The following CEACAM16 variants were observed in gnomAD, a reference collection of about 807,000 sequenced individuals.
The protein encoded by CEACAM16 is cell adhesion molecule CEACAM16.
Under a neutral mutation model 39.4 loss-of-function variants are expected in CEACAM16, and 30 were observed. The ratio of observed to expected loss-of-function variants is 0.76; its 90% CI spans 0.57 to 1.03. CEACAM16 has a LOEUF of 1.03. Among genes scored for constraint, CEACAM16 ranks in the 50% least tolerant of loss-of-function variants. The pLI is 0.00. For synonymous variants in CEACAM16, 262 were observed against 264.9 expected (o/e 0.99, Z 0.11); for missense variants, 521 against 585.3 (o/e 0.89, Z 1.13).
In CEACAM16 at chr19:44,703,305, G is replaced by A. The variant is rs1421249863; in HGVS notation, c.38-44G>A. On this transcript the variant is annotated intron_variant, in intron 2 of 6. Transcript: ENST00000587331. The stretch of plus-strand genomic sequence containing the variant: ...TCTTCTTCTGTCAAATGGGGCGATT[G>A]ATCAAACCTGCCTCATCCAACCCCT... 4 of 1,549,992 alleles carry A rather than the reference G, an allele frequency of 2.6e-6. No individual in the cohort carries two copies. In the East Asian group the frequency reaches 6.8e-5, roughly 26 times the overall value.
chr19:44,703,459 G>A lies in CEACAM16; in HGVS notation c.148G>A (p.Ala50Thr), dbSNP rs531707985. Reference protein sequence around the residue: ...VVHGLSGELLAYSWYAGPTLS... With the variant: ...VVHGLSGELLTYSWYAGPTLS... Reference sequence around the variant, plus strand: ...CCATGGGCTTTCGGGGGAACTGCTCGCCTACAGCTGGTATGCGGGGCCCAC... The same window carrying A: ...CCATGGGCTTTCGGGGGAACTGCTCACCTACAGCTGGTATGCGGGGCCCAC... The change falls in exon 3 of 7, where the codon GCC becomes ACC. Residue 50 changes from alanine to threonine, a missense_variant. By Grantham distance (58) the Ala-to-Thr change is moderately conservative (BLOSUM62 0). Coordinates refer to ENST00000587331, the MANE Select transcript of CEACAM16 (RefSeq NM_001039213.4). 23 of 1,613,812 alleles carry A rather than the reference G, an allele frequency of 1.4e-5. No homozygotes were observed. The highest frequency in any genetic ancestry group is 8.0e-5 in the African/African-American group (6 of 75,030).
In CEACAM16 at chr19:44,703,625, C is replaced by T. The variant is rs1305649326; in HGVS notation, c.314C>T (p.Thr105Ile). The stretch of plus-strand genomic sequence containing the variant: ...GGCATCCTGCCCCGGCACTCAGGCA[C>T]CTACATCCTGCAGACCTTCAACAGG... ...IQGILPRHSG[T>I]YILQTFNRQL... Residue 105 changes from threonine (T) to isoleucine (I), a missense_variant, in exon 3 of 7, where the codon ACC (threonine) becomes ATC (isoleucine). Thr to Ile is a moderately conservative substitution (Grantham distance 89). Transcript: ENST00000587331. 3 of 1,607,076 alleles carry T rather than the reference C, an allele frequency of 1.9e-6. No homozygotes were observed. The highest frequency in any genetic ancestry group is 3.4e-5 in the Admixed American group (2 of 59,422).
At chr19:44,706,262 A>T in intron 5 of CEACAM16, among the ~76,000 whole-genome samples, 1 of 131,580 alleles carries the variant, frequency 7.6e-6, no homozygotes, top group Non-Finnish European at 1.6e-5. Flanking sequence ...GACCCAGATG[A>T]TGGGTATACA....
rs776528660 is a variant in CEACAM16, at chr19:44,705,641, G to A, written c.713G>A (p.Cys238Tyr). ...ILQDSTTRTG[C>Y]TIKVDFNTSL... Reference sequence around the variant, plus strand: ...CAGGATTCCACCACCCGCACAGGCTGCACCATCAAAGTTGACTTCAACACG... The same window carrying A: ...CAGGATTCCACCACCCGCACAGGCTACACCATCAAAGTTGACTTCAACACG... Residue 238 changes from cysteine to tyrosine, a missense_variant, in exon 5 of 7, where the codon TGC becomes TAC. Coordinates refer to ENST00000587331, the MANE Select transcript of CEACAM16 (RefSeq NM_001039213.4). 2.5e-6 allele frequency: 4 copies of A among 1,613,172 alleles called. No individual in the cohort carries two copies. Among genetic ancestry groups the A allele is most frequent in the East Asian group, 2.2e-5 (1 of 44,862 alleles).
At chr19:44,705,260 T>C (rs1021643932) in intron 4 of CEACAM16, among the ~76,000 whole-genome samples, 1 of 151,786 alleles carries the variant, frequency 6.6e-6, no homozygotes, top group Non-Finnish European at 1.5e-5. Flanking sequence ...CTTGAAGCCC[T>C]AGAATTCTAC....
intron 6 of CEACAM16, among the ~76,000 whole-genome samples, 188 bp from the exon 7 acceptor site, chr19:44,710,306 CCT>C (rs1974517084): frequency 6.6e-6 from 1 of 152,222 alleles, no homozygotes; most frequent in African/African-American, 2.4e-5. Flanking sequence ...TCACAGTCAA[CCT>C]CCCTCCCTCG....
At chr19:44,703,730 G>T in intron 3 of CEACAM16, 37 bp downstream of exon 3, 1 of 1,404,890 alleles carries the variant, frequency 7.1e-7, no homozygotes. Flanking sequence ...TGCCCCAGCT[G>T]GGCCTTCCCA....
intron 1 of CEACAM16, among the ~76,000 whole-genome samples, chr19:44,699,662 C>T (rs1974313459): frequency 6.6e-6 from 1 of 152,214 alleles, no homozygotes; most frequent in Admixed American, 6.5e-5. Context: ...CAGGCATGAG[C>T]CACTGCGTCC....
rs752427705 is a variant in CEACAM16, at chr19:44,710,550, C to G, written c.*44C>G. On this transcript the variant is annotated 3_prime_UTR_variant, in exon 7 of 7. Coordinates refer to ENST00000587331, the MANE Select transcript of CEACAM16 (RefSeq NM_001039213.4). The stretch of plus-strand genomic sequence containing the variant: ...GTCCAGAGAGAAGAGCTCTTCGCAC[C>G]ATCCTCTGGTCCTCGCCCTCTGAGT... 6.2e-7 allele frequency: 1 copy of G among 1,613,052 alleles called. No homozygotes were observed. The highest frequency in any genetic ancestry group is 1.7e-5 in the Admixed American group (1 of 60,012).
Position 44,708,063 on chromosome 19 carries a change from G to A in CEACAM16, c.1143G>A (p.Val381=). 1 of 1,612,734 alleles carries A rather than the reference G, an allele frequency of 6.2e-7. No individual in the cohort carries two copies. Among genetic ancestry groups the A allele is most frequent in the Non-Finnish European group, 8.5e-7 (1 of 1,179,596 alleles). ...IAGPAHTGRE[V]GFPNCSLLVQ... ...GCCCCGCGCACACAGGCCGGGAGGT[G>A]GGCTTCCCCAACTGCTCGCTGTTGG... The change falls in exon 6 of 7, where the codon GTG becomes GTA. Residue 381 remains valine (V), a synonymous_variant. Coordinates refer to ENST00000587331, the MANE Select transcript of CEACAM16 (RefSeq NM_001039213.4).
chr19:44,710,368 C>T (rs1188174904), intron 6 of CEACAM16, 128 bp from the exon 7 acceptor site: 3 of 944,674 alleles, frequency 3.2e-6, no homozygotes, highest in Admixed American at 4.6e-5. Flanking sequence ...ACAGGCTGAG[C>T]GTGGGGTGGA....
intron 1 of CEACAM16, among the ~76,000 whole-genome samples, chr19:44,700,903 G>A (rs1457444072): frequency 6.6e-6 from 1 of 152,196 alleles, no homozygotes; most frequent in Non-Finnish European, 1.5e-5. Flanking sequence ...GGACAAGTGG[G>A]AGTCCCCACC....
intron 4 of CEACAM16, 119 bp downstream of exon 4, chr19:44,704,415 G>C: frequency 7.9e-7 from 1 of 1,264,852 alleles, no homozygotes. Context: ...CTGGGATTGG[G>C]GACCAGGGAC....
intron 5 of CEACAM16, among the ~76,000 whole-genome samples, chr19:44,706,563 G>T (rs529876293): frequency 6.6e-6 from 1 of 152,136 alleles, no homozygotes; most frequent in Non-Finnish European, 1.5e-5. Context: ...GGGAATGGTC[G>T]TTCCCTCCCT....
chr19:44,708,900 T>C (rs569138440), intron 6 of CEACAM16, among the ~76,000 whole-genome samples: 7 of 150,288 alleles, frequency 4.7e-5, no homozygotes, highest in African/African-American at 9.8e-5. Context: ...GTCTCCCCCA[T>C]TGGATTGGGA....
chr19:44,704,271 C>A lies in CEACAM16; in HGVS notation c.636C>A (p.Ser212Arg). ...GGAACCCGGTCAGTGTCAGCCGCAGCGAGCCCATCAACCTGACCGTGTACT... is the reference window on the plus strand; with the variant it reads ...GGAACCCGGTCAGTGTCAGCCGCAGAGAGCCCATCAACCTGACCGTGTACT... Reference protein sequence around the residue: ...EVWNPVSVSRSEPINLTVYFG... With the variant: ...EVWNPVSVSRREPINLTVYFG... The change falls in exon 4 of 7, where the codon AGC becomes AGA. Residue 212 changes from serine to arginine, a missense_variant. Transcript: ENST00000587331. The A allele has an allele frequency of 2.6e-6, 4 of 1,526,330 alleles. No individual in the cohort carries two copies. The highest frequency in any genetic ancestry group is 3.5e-6 in the Non-Finnish European group (4 of 1,133,786). The allele number at this position is 1,526,330 out of a possible 1,614,324, so 94.5% of individuals were successfully genotyped here. A position where few individuals can be genotyped will look rare whatever the true frequency, so the allele number is the denominator to read the frequency against.
intron 5 of CEACAM16, among the ~76,000 whole-genome samples, chr19:44,706,890 T>A (rs1974459138): frequency 6.6e-6 from 1 of 152,232 alleles, no homozygotes; most frequent in South Asian, 2.1e-4. Flanking sequence ...CCACCCTCCC[T>A]CCACCTTGGG....
rs762096550 is a variant in CEACAM16, at chr19:44,705,643, A to T, written c.715A>T (p.Thr239Ser). The T allele has an allele frequency of 5.0e-6, 8 of 1,613,310 alleles. No homozygotes were observed. The highest frequency in any genetic ancestry group is 5.9e-6 in the Non-Finnish European group (7 of 1,179,312). The change falls in exon 5 of 7, where the codon ACC becomes TCC. Residue 239 changes from threonine to serine, a missense_variant. Physicochemically the swap from Thr to Ser is moderately conservative, Grantham distance 58. Transcript: ENST00000587331. ...LQDSTTRTGCTIKVDFNTSLT... is the reference protein window; with the variant it reads ...LQDSTTRTGCSIKVDFNTSLT... ...GGATTCCACCACCCGCACAGGCTGCACCATCAAAGTTGACTTCAACACGTC... is the reference window on the plus strand; with the variant it reads ...GGATTCCACCACCCGCACAGGCTGCTCCATCAAAGTTGACTTCAACACGTC...
intron 6 of CEACAM16, 85 bp from the exon 7 acceptor site, chr19:44,710,411 G>A: frequency 6.7e-7 from 1 of 1,498,630 alleles, no homozygotes; most frequent in Non-Finnish European, 9.1e-7. Context: ...GTGGGCAGGG[G>A]AGCAGAAGGG....
Sources: gnomAD v4.1 joint callset for allele counts (sites outside exome capture counted in the v4.1 genomes callset) on GRCh38, gnomAD v4.1.1 for gene constraint, MANE v1.5 for transcripts, NCBI Gene and HGNC (gene_info 2026-07-23, HGNC 2026-07-21) for gene names.